Variants in ELOVL6 observed in about 807,000 individuals in gnomAD.
The protein encoded by ELOVL6 is ELOVL fatty acid elongase 6, also known as very long chain fatty acid elongase 6.
ELOVL6 carries 8 observed loss-of-function variants against 31.7 expected under a neutral mutation model. The observed-to-expected ratio is 0.25, with a 90% CI of 0.15 to 0.45. The LOEUF is 0.45. ELOVL6 is among the 20% of genes least tolerant of loss of function. ELOVL6 has a pLI of 1.00. For missense variants in ELOVL6, 126 were observed against 326.4 expected (o/e 0.39, Z 4.73); for synonymous variants, 101 against 117.7 (o/e 0.86, Z 0.92).
intron 1 of ELOVL6, among the ~76,000 whole-genome samples, chr4:110,158,657 A>ATATATATATATATAT: frequency 2.6e-4 from 19 of 74,158 alleles, no homozygotes; most frequent in Middle Eastern, 9.8e-3. Flanking sequence ...ATATATATAT[A>ATATATATATATATAT]TTTTTTTTTT....
At chr4:110,129,384 G>T (rs956090414) in intron 1 of ELOVL6, among the ~76,000 whole-genome samples, 1 of 152,276 alleles carries the variant, frequency 6.6e-6, no homozygotes, top group East Asian at 1.9e-4. Flanking sequence ...AGATGTTATA[G>T]TAAGTGATAC....
intron 3 of ELOVL6, among the ~76,000 whole-genome samples, chr4:110,055,319 A>T (rs1053648501): frequency 6.6e-6 from 1 of 152,154 alleles, no homozygotes; most frequent in East Asian, 1.9e-4. Flanking sequence ...TGTGTATTTG[A>T]GTTGGTCAGT....
intron 2 of ELOVL6, among the ~76,000 whole-genome samples, chr4:110,083,815 C>T (rs979087739): frequency 6.7e-6 from 1 of 149,676 alleles, no homozygotes; most frequent in African/African-American, 2.5e-5. Context: ...GAGAAGCAGA[C>T]AAACATAGGA....
rs1754702924 is a variant in ELOVL6 at position 110,046,578 on chromosome 4, G to C, written c.*4760C>G. ...TGAGCTCTGAATTGTCAAAGTCTCT[G>C]AGGATGAGGAAAGTAACTTGATTCA... On this transcript the variant is annotated 3_prime_UTR_variant, in exon 4 of 4. Coordinates refer to ENST00000302274, the MANE Select transcript of ELOVL6 (RefSeq NM_024090.3). 1 of 152,266 alleles carries C rather than the reference G, an allele frequency of 6.6e-6. No homozygotes were observed. The highest frequency in any genetic ancestry group is 2.4e-5 in the African/African-American group (1 of 41,464). 9.4% of individuals were successfully genotyped at this position (152,266 alleles called of 1,614,324 possible). A position where few individuals can be genotyped will look rare whatever the true frequency, so the allele number is the denominator to read the frequency against.
intron 2 of ELOVL6, among the ~76,000 whole-genome samples, chr4:110,080,164 A>C (rs1755789723): frequency 6.6e-6 from 1 of 152,226 alleles, no homozygotes; most frequent in Admixed American, 6.5e-5. Flanking sequence ...CCAGAGGTAC[A>C]AGGAGGAGCT....
chr4:110,109,121 A>G (rs952290940), intron 1 of ELOVL6, among the ~76,000 whole-genome samples: 5 of 152,142 alleles, frequency 3.3e-5, no homozygotes, highest in Non-Finnish European at 5.9e-5. Flanking sequence ...TTAGTTTTTA[A>G]TGTGGATAGA....
chr4:110,185,635 G>A (rs1345499170), intron 1 of ELOVL6, among the ~76,000 whole-genome samples: 5 of 152,120 alleles, frequency 3.3e-5, no homozygotes, highest in African/African-American at 1.2e-4. Context: ...GGCCTAGAGA[G>A]AACATAATAT....
At chr4:110,080,271 T>G (rs1392385586) in intron 2 of ELOVL6, among the ~76,000 whole-genome samples, 1 of 152,178 alleles carries the variant, frequency 6.6e-6, no homozygotes, top group Admixed American at 6.5e-5. Flanking sequence ...TACCAAAGCC[T>G]GGCAGAAACA....
At chr4:110,183,634 A>G (rs1470698313) in intron 1 of ELOVL6, among the ~76,000 whole-genome samples, 1 of 151,850 alleles carries the variant, frequency 6.6e-6, no homozygotes, top group Non-Finnish European at 1.5e-5. Context: ...CCTCTTTAGT[A>G]TGTTTTTCTT....
intron 1 of ELOVL6, among the ~76,000 whole-genome samples, chr4:110,129,388 G>A (rs879908756): frequency 6.6e-6 from 1 of 152,162 alleles, no homozygotes; most frequent in Non-Finnish European, 1.5e-5. Context: ...GTTATAGTAA[G>A]TGATACACCC....
intron 1 of ELOVL6, among the ~76,000 whole-genome samples, chr4:110,109,306 T>C (rs1482948785): frequency 1.3e-5 from 2 of 152,218 alleles, no homozygotes; most frequent in East Asian, 3.8e-4. Context: ...CCCATAATTA[T>C]AGGTACTTAA....
chr4:110,079,301 C>T (rs1200234122), intron 2 of ELOVL6, among the ~76,000 whole-genome samples: 2 of 152,148 alleles, frequency 1.3e-5, no homozygotes, highest in Non-Finnish European at 2.9e-5. Context: ...TTTTCAGCAC[C>T]ACACCACACC....
Position 110,084,236 on chromosome 4 carries a change from C to CATATATGTGAT in ELOVL6, c.221+21260_221+21261insATCACATATAT, listed in dbSNP as rs1756086186. 2.9e-5 allele frequency among the ~76,000 whole-genome samples: 3 copies of CATATATGTGAT among 102,906 alleles called. 1 individual carries two copies. The highest frequency in any genetic ancestry group is 2.8e-4 in the South Asian group (1 of 3,632). The allele number at this position is 102,906 out of a possible 152,430, so 67.5% of individuals were successfully genotyped here. On this transcript the variant is annotated intron_variant, in intron 2 of 3. Coordinates refer to ENST00000302274, the MANE Select transcript of ELOVL6 (RefSeq NM_024090.3). ...CATATAACTTATATGATATATATAA[C>CATATATGTGAT]ATATATGATATATATAACATATAGC... is the stretch of plus-strand genomic sequence containing the variant.
intron 2 of ELOVL6, among the ~76,000 whole-genome samples, chr4:110,084,566 A>ATTTT (rs1756173431): frequency 8.1e-5 from 3 of 37,114 alleles, no homozygotes; most frequent in African/African-American, 6.9e-4. Context: ...ACACACAGAT[A>ATTTT]TATATATATA....
At chr4:110,060,750 C>A (rs560354915) in intron 2 of ELOVL6, among the ~76,000 whole-genome samples, 1 of 152,258 alleles carries the variant, frequency 6.6e-6, no homozygotes, top group South Asian at 2.1e-4. Flanking sequence ...GGAAGATGGA[C>A]CTGCCTAGCC....
intron 1 of ELOVL6, among the ~76,000 whole-genome samples, chr4:110,179,302 C>T (rs1352072148): frequency 1.3e-5 from 2 of 151,690 alleles, no homozygotes; most frequent in Non-Finnish European, 1.5e-5. Flanking sequence ...GTCAGGAGTT[C>T]GAGACCAGCC....
chr4:110,169,238 G>GTTTTTTTTTTTTTT (rs140593620), intron 1 of ELOVL6, among the ~76,000 whole-genome samples: 1 of 136,732 alleles, frequency 7.3e-6, no homozygotes, highest in Non-Finnish European at 1.5e-5. Context: ...GGGGTTTTTT[G>GTTTTTTTTTTTTTT]TTTTGTTTTT....
At chr4:110,135,791 T>G (rs867782674) in intron 1 of ELOVL6, among the ~76,000 whole-genome samples, 6 of 152,144 alleles carry the variant, frequency 3.9e-5, no homozygotes, top group Admixed American at 6.5e-5. Flanking sequence ...CAACTTGGTG[T>G]TCAGAGAAGA....
chr4:110,183,114 TTA>T (rs1466180780), intron 1 of ELOVL6, among the ~76,000 whole-genome samples: 2 of 152,120 alleles, frequency 1.3e-5, no homozygotes, highest in Non-Finnish European at 2.9e-5. Context: ...CTAGATGACT[TTA>T]TTTAAAAAAC....
Sources: allele counts gnomAD v4.1 joint callset (sites outside exome capture counted in the v4.1 genomes callset), GRCh38; gene constraint gnomAD v4.1.1; transcripts MANE v1.5; gene names NCBI Gene and HGNC (gene_info 2026-07-23, HGNC 2026-07-21).